PRKCZ: variants seen among roughly 807,000 people sequenced by gnomAD.
PRKCZ encodes protein kinase C zeta type.
PRKCZ carries 33 observed loss-of-function variants against 79.5 expected under a neutral mutation model. That is an observed-to-expected ratio of 0.41 (90% CI 0.31 to 0.55). The LOEUF is 0.55. Ranked by LOEUF, PRKCZ falls within the 20% of genes least tolerant of loss-of-function variation. The probability of loss-of-function intolerance (pLI) is 0.19; values close to 1 mark genes in which losing one functional copy is unlikely to be tolerated. For missense variants in PRKCZ, 578 were observed against 813.5 expected, an observed-to-expected ratio of 0.71 and a Z score of 3.52; for synonymous variants, 342 against 320.9, an observed-to-expected ratio of 1.07 and a Z score of -0.70.
At chr1:2,057,749 G>T (rs1660310195) in intron 3 of PRKCZ, among the ~76,000 whole-genome samples, 2 of 152,112 alleles carry the variant, frequency 1.3e-5, no homozygotes, top group Admixed American at 6.5e-5. Flanking sequence ...TCTGTCCCCA[G>T]GCTGGAGTGC....
chr1:2,178,673 G>A lies in PRKCZ; in HGVS notation c.1575+3360G>A, dbSNP rs1685954097. On this transcript the variant is annotated intron_variant, in intron 16 of 17. Coordinates refer to ENST00000378567, the MANE Select transcript of PRKCZ (RefSeq NM_002744.6). The surrounding 1 kb of genome is among the most constrained non-coding windows in gnomAD (Gnocchi z 4.3). ...GCAGCGGCTGCTTTCTGGTCCCTTT[G>A]GGGGCCCCCTCAGTCTGTGCTGGAC... is the stretch of plus-strand genomic sequence containing the variant. 6.6e-6 allele frequency among the ~76,000 whole-genome samples: 1 copy of A among 152,160 alleles called. No homozygotes were observed. The highest frequency in any genetic ancestry group is 6.6e-5 in the Admixed American group (1 of 15,258).
rs1362174764 is a variant in PRKCZ, at chr1:2,050,518, C to G, written c.-113C>G. 3 of 600,704 alleles carry G rather than the reference C, an allele frequency of 5.0e-6. No individual in the cohort carries two copies. The highest frequency in any genetic ancestry group is 7.9e-5 in the South Asian group (1 of 12,622). The allele number at this position is 600,704 out of a possible 1,614,324, so 37.2% of individuals were successfully genotyped here. The stretch of plus-strand genomic sequence containing the variant: ...GCGGAGTTGACCGGGTCGGCGCCGT[C>G]GGTCCTGAGCGCTGCCTTCCGCGTT... On this transcript the variant is annotated 5_prime_UTR_variant, in exon 1 of 18. Coordinates refer to ENST00000378567, the MANE Select transcript of PRKCZ (RefSeq NM_002744.6).
chr1:2,131,502 G>C (rs1264708944), intron 4 of PRKCZ, among the ~76,000 whole-genome samples: 1 of 152,202 alleles, frequency 6.6e-6, no homozygotes, highest in Admixed American at 6.5e-5. Context: ...ATATTTGAAG[G>C]AGGCAGGTCT....
rs1237653719 is a variant in PRKCZ, at chr1:2,149,677, G to A, written c.687+753G>A. On this transcript the variant is annotated intron_variant, in intron 8 of 17. Transcript: ENST00000378567. This position sits in a 1 kb window ranked among gnomAD's most constrained non-coding sequence, Gnocchi z 4.1. ...TCGAGAACAGCCTGGGCAGCATAGC[G>A]AGACCCTGTTCCTACAAAAATAAAT... Among the ~76,000 whole-genome samples, 3 of 152,164 alleles carry A rather than the reference G, an allele frequency of 2.0e-5. No individual in the cohort carries two copies. The highest frequency in any genetic ancestry group is 4.4e-5 in the Non-Finnish European group (3 of 68,026).
rs1334462968 is a variant in PRKCZ at position 2,117,441 on chromosome 1, C to G, written c.335-17821C>G. 2.6e-5 allele frequency among the ~76,000 whole-genome samples: 4 copies of G among 151,888 alleles called. No individual in the cohort carries two copies. The East Asian group carries it at 7.7e-4, about 29-fold the overall frequency. ...ATTAACTCATTTGTCTTGGCCTCTCCTGGTCCCCGTAGTTTGTCTGTGGTT... is the reference window on the plus strand; with the variant it reads ...ATTAACTCATTTGTCTTGGCCTCTCGTGGTCCCCGTAGTTTGTCTGTGGTT... On this transcript the variant is annotated intron_variant, in intron 4 of 17. Coordinates refer to ENST00000378567, the MANE Select transcript of PRKCZ (RefSeq NM_002744.6).
intron 4 of PRKCZ, among the ~76,000 whole-genome samples, chr1:2,129,830 C>T (rs1174291258): frequency 6.6e-6 from 1 of 152,218 alleles, no homozygotes; most frequent in Non-Finnish European, 1.5e-5. Context: ...TTACCAGGTT[C>T]TCCACAGCCT....
chr1:2,150,715 A>G (rs375303707), intron 8 of PRKCZ, 75 bp from the exon 9 acceptor site: 4 of 1,446,322 alleles, frequency 2.8e-6, no homozygotes, highest in African/African-American at 2.8e-5. Context: ...TTGGGACCGC[A>G]TGAGTGATGC....
At position 2,168,990 on chromosome 1, in the gene PRKCZ, C is replaced by T. The variant is rs569214093; in HGVS notation, c.975-528C>T. On this transcript the variant is annotated intron_variant, in intron 10 of 17. Transcript: ENST00000378567. The surrounding 1 kb of genome is among the most constrained non-coding windows in gnomAD (Gnocchi z 4.7). ...TTTTAAAATCATACGATCATGTCTG[C>T]GAAACCGGGATGCCACTTCCCACCT... 1.9e-5 allele frequency: 7 copies of T among 366,694 alleles called. No homozygotes were observed. Among genetic ancestry groups the T allele is most frequent in the South Asian group, 1.2e-4 (6 of 51,076 alleles). 22.7% of individuals were successfully genotyped at this position (366,694 alleles called of 1,614,324 possible).
chr1:2,105,432 C>G (rs906610593), intron 4 of PRKCZ, among the ~76,000 whole-genome samples: 5 of 152,196 alleles, frequency 3.3e-5, no homozygotes, highest in African/African-American at 1.2e-4. Context: ...GACAGTCTCA[C>G]TCTTTTGCCC....
chr1:2,173,250 A>G lies in PRKCZ; in HGVS notation c.1286-647A>G, dbSNP rs1226219267. 6.6e-6 allele frequency among the ~76,000 whole-genome samples: 1 copy of G among 152,278 alleles called. No individual in the cohort carries two copies. The highest frequency in any genetic ancestry group is 6.5e-5 in the Admixed American group (1 of 15,306). ...ATAACTGGGCTCCCCAGCGGCCACA[A>G]TGGAAGTCTCAGTAGCCAGAGAAGG... On this transcript the variant is annotated intron_variant, in intron 13 of 17. Coordinates refer to ENST00000378567, the MANE Select transcript of PRKCZ (RefSeq NM_002744.6). The surrounding 1 kb of genome is among the most constrained non-coding windows in gnomAD (Gnocchi z 5.7).
chr1:2,052,043 T>C (rs1312889733), intron 1 of PRKCZ, among the ~76,000 whole-genome samples: 1 of 152,140 alleles, frequency 6.6e-6, no homozygotes, highest in Non-Finnish European at 1.5e-5. Flanking sequence ...CTTGGTATGG[T>C]TGACGTTCTG....
Position 2,140,088 on chromosome 1 carries a change from TGC to T in PRKCZ, c.421-4121_421-4120del, listed in dbSNP as rs559117872. Among the ~76,000 whole-genome samples, 11 of 152,316 alleles carry T rather than the reference TGC, an allele frequency of 7.2e-5. No individual in the cohort carries two copies. The South Asian group carries it at 8.3e-4, about 11-fold the overall frequency. The stretch of plus-strand genomic sequence containing the variant: ...AGGGTGGGGAAGGGAGATCAGAAGA[TGC>T]CATCCATGAGCAGCAGTGCCTGTCA... On this transcript the variant is annotated intron_variant, in intron 5 of 17. Transcript: ENST00000378567.
Position 2,127,460 on chromosome 1 carries a change from C to T in PRKCZ, c.335-7802C>T, listed in dbSNP as rs1424265807. ...CCTCAGACGCCCCTCCCTGTGCCTTCTCACCCTCTGGTCCTGGCTGGGCCC... is the reference window on the plus strand; with the variant it reads ...CCTCAGACGCCCCTCCCTGTGCCTTTTCACCCTCTGGTCCTGGCTGGGCCC... On this transcript the variant is annotated intron_variant, in intron 4 of 17. Transcript: ENST00000378567. The surrounding 1 kb of genome is among the most constrained non-coding windows in gnomAD (Gnocchi z 5.1). 6.6e-6 allele frequency among the ~76,000 whole-genome samples: 1 copy of T among 151,172 alleles called. No individual in the cohort carries two copies. Among genetic ancestry groups the T allele is most frequent in the Non-Finnish European group, 1.5e-5 (1 of 67,784 alleles).
intron 4 of PRKCZ, among the ~76,000 whole-genome samples, chr1:2,106,977 A>G (rs1668669700): frequency 6.6e-6 from 1 of 150,448 alleles, no homozygotes; most frequent in Non-Finnish European, 1.5e-5. Context: ...ACGTTAGCAC[A>G]GGAGTCACTT....
intron 10 of PRKCZ, among the ~76,000 whole-genome samples, chr1:2,158,404 C>A (rs535158927): frequency 1.3e-5 from 2 of 152,262 alleles, no homozygotes; most frequent in Admixed American, 6.5e-5. Flanking sequence ...AGTGCCCCAT[C>A]GTGTGCTTCA....
chr1:2,098,408 T>TCGAA (rs1666901422), intron 4 of PRKCZ: 1 of 152,200 alleles, frequency 6.6e-6, no homozygotes, highest in Admixed American at 6.5e-5. Flanking sequence ...CGGGAGGCGT[T>TCGAA]CGGCAGCTGT....
intron 4 of PRKCZ, among the ~76,000 whole-genome samples, chr1:2,090,271 C>T (rs1209648359): frequency 1.3e-5 from 2 of 152,186 alleles, no homozygotes; most frequent in Non-Finnish European, 2.9e-5. Context: ...TGCACCTTGG[C>T]AAGGGGTTCC....
intron 4 of PRKCZ, among the ~76,000 whole-genome samples, chr1:2,131,952 C>T (rs922286398): frequency 6.6e-6 from 1 of 152,162 alleles, no homozygotes; most frequent in Admixed American, 6.6e-5. Flanking sequence ...GTTGGGACTA[C>T]AGGCGCCCAC....
In PRKCZ at chr1:2,178,859, G is replaced by A. The variant is rs202222705; in HGVS notation, c.1575+3546G>A. Among the ~76,000 whole-genome samples, 77 of 152,290 alleles carry A rather than the reference G, an allele frequency of 5.1e-4. 1 individual carries two copies. The East Asian group carries it at 0.014, about 28-fold the overall frequency. On this transcript the variant is annotated intron_variant, in intron 16 of 17. Coordinates refer to ENST00000378567, the MANE Select transcript of PRKCZ (RefSeq NM_002744.6). This position sits in a 1 kb window ranked among gnomAD's most constrained non-coding sequence, Gnocchi z 4.3. ...GGCAGTGGGAGCAGCAGGAATGGAT[G>A]GTGAAAGGACACAGTGCCCGCCCCC...
Sources: gnomAD v4.1 joint callset for allele counts (sites outside exome capture counted in the v4.1 genomes callset) on GRCh38, gnomAD v4.1.1 for gene constraint, Gnocchi (gnomAD v3.1) non-coding constraint, MANE v1.5 for transcripts, NCBI Gene and HGNC (gene_info 2026-07-23, HGNC 2026-07-21) for gene names.